Variants in IDH2 observed in about 807,000 individuals in gnomAD.
IDH2 encodes isocitrate dehydrogenase (NADP(+)) 2, also known as isocitrate dehydrogenase [NADP], mitochondrial.
Under a neutral mutation model 50.5 loss-of-function variants are expected in IDH2, and 18 were observed. That is an observed-to-expected ratio of 0.36 (90% CI 0.25 to 0.53). The LOEUF (loss-of-function observed/expected upper bound fraction) is 0.53, where lower values mean the gene tolerates loss of function less well. Among genes scored for constraint, IDH2 ranks in the 20% least tolerant of loss-of-function variants. IDH2 has a pLI of 0.92. For missense variants in IDH2, 518 were observed against 610.7 expected (o/e 0.85, Z 1.60); for synonymous variants, 280 against 239.8 (o/e 1.17, Z -1.55).
intron 1 of IDH2, among the ~76,000 whole-genome samples, chr15:90,092,816 G>C (rs938446301): frequency 2.6e-5 from 4 of 152,156 alleles, no homozygotes; most frequent in African/African-American, 9.7e-5. Flanking sequence ...GACCTCAAGT[G>C]ATCCACCTGC....
At chr15:90,093,463 C>T (rs1901097745) in intron 1 of IDH2, among the ~76,000 whole-genome samples, 1 of 152,190 alleles carries the variant, frequency 6.6e-6, no homozygotes. Flanking sequence ...CCTCAACTAA[C>T]TTGTGGTGAT....
At chr15:90,093,973 C>T (rs1259728634) in intron 1 of IDH2, among the ~76,000 whole-genome samples, 1 of 152,150 alleles carries the variant, frequency 6.6e-6, no homozygotes, top group Non-Finnish European at 1.5e-5. Flanking sequence ...TAACAGCTTA[C>T]TGCCCAAGGT....
Position 90,084,433 on chromosome 15 carries a change from C to T in IDH2, c.1272-80G>A. 7.6e-7 allele frequency: 1 copy of T among 1,311,798 alleles called. No individual in the cohort carries two copies. Among genetic ancestry groups the T allele is most frequent in the Non-Finnish European group, 1.1e-6 (1 of 926,446 alleles). 81.3% of individuals were successfully genotyped at this position (1,311,798 alleles called of 1,614,324 possible). The stretch of plus-strand genomic sequence containing the variant: ...TCAGCCAGGCCCTTCCAGGGAACAG[C>T]CTGAGCTTGGGCATCAGAACAGCCA... On this transcript the variant is annotated intron_variant, in intron 10 of 10. Transcript: ENST00000330062. The surrounding 1 kb of genome is among the most constrained non-coding windows in gnomAD (Gnocchi z 5.0).
chr15:90,084,110 A>G lies in IDH2; in HGVS notation c.*156T>C. 1.6e-6 allele frequency: 1 copy of G among 644,750 alleles called. No homozygotes were observed. The highest frequency in any genetic ancestry group is 2.8e-6 in the Non-Finnish European group (1 of 359,656). 39.9% of individuals were successfully genotyped at this position (644,750 alleles called of 1,614,324 possible). ...CCTGCCTCACGTCACCATGAGGGGAAACACACATATGCTTTTAAAAACATC... is the reference window on the plus strand; with the variant it reads ...CCTGCCTCACGTCACCATGAGGGGAGACACACATATGCTTTTAAAAACATC... On this transcript the variant is annotated 3_prime_UTR_variant, in exon 11 of 11. Transcript: ENST00000330062. This position sits in a 1 kb window ranked among gnomAD's most constrained non-coding sequence, Gnocchi z 5.0.
At chr15:90,090,670 C>A (rs778323248) in intron 2 of IDH2, 26 bp from the exon 3 acceptor site, 1 of 1,613,538 alleles carries the variant, frequency 6.2e-7, no homozygotes, top group Non-Finnish European at 8.5e-7. Flanking sequence ...CAGAGCAAGG[C>A]GTCACCCCAG....
At chr15:90,089,394 TCA>T (rs746487250) in intron 3 of IDH2, among the ~76,000 whole-genome samples, 50 of 152,288 alleles carry the variant, frequency 3.3e-4, no homozygotes, top group Non-Finnish European at 6.6e-4. Flanking sequence ...GATTCCCACA[TCA>T]CACATGGAGG....
chr15:90,091,662 C>G lies in IDH2; in HGVS notation c.116-18G>C. The G allele has an allele frequency of 6.2e-7, 1 of 1,607,614 alleles. No individual in the cohort carries two copies. The highest frequency in any genetic ancestry group is 8.5e-7 in the Non-Finnish European group (1 of 1,173,964). On this transcript the variant is annotated intron_variant, in intron 1 of 10. Transcript: ENST00000330062. Reference sequence around the variant, plus strand: ...GTCGGCATCTAGAAGCAGGGACACACAGCGCATCATGCCCCTGGGGAGGCT... The same window carrying G: ...GTCGGCATCTAGAAGCAGGGACACAGAGCGCATCATGCCCCTGGGGAGGCT...
At chr15:90,096,881 T>A (rs946463685) in intron 1 of IDH2, among the ~76,000 whole-genome samples, 1 of 151,204 alleles carries the variant, frequency 6.6e-6, no homozygotes, top group African/African-American at 2.4e-5. Flanking sequence ...GCCACTGCAC[T>A]CCAGCATGGG....
At chr15:90,089,522 T>A (rs973218075) in intron 3 of IDH2, among the ~76,000 whole-genome samples, 1 of 152,162 alleles carries the variant, frequency 6.6e-6, no homozygotes, top group Non-Finnish European at 1.5e-5. Context: ...GACCCTCTCC[T>A]GCCTTGTCCA....
chr15:90,090,486 A>G lies in IDH2; in HGVS notation c.366T>C (p.Arg122=), dbSNP rs1901004779. The G allele has an allele frequency of 6.2e-7, 1 of 1,613,244 alleles. No homozygotes were observed. The highest frequency in any genetic ancestry group is 1.3e-5 in the African/African-American group (1 of 74,952). Residue 122 remains arginine, a synonymous_variant, in exon 3 of 11, where the codon CGT becomes CGC. Transcript: ENST00000330062. ...KCATITPDEA[R]VEEFKLKKMW... Reference sequence around the variant, plus strand: ...ACCTCCACACCCTCGCACCTTCCACACGGGCCTCATCAGGGGTGATGGTGG... The same window carrying G: ...ACCTCCACACCCTCGCACCTTCCACGCGGGCCTCATCAGGGGTGATGGTGG...
At chr15:90,090,266 A>G (rs1292581248) in intron 3 of IDH2, among the ~76,000 whole-genome samples, 1 of 152,102 alleles carries the variant, frequency 6.6e-6, no homozygotes, top group African/African-American at 2.4e-5. Context: ...CAGCCTCATC[A>G]AAGGTGACCT....
Position 90,084,736 on chromosome 15 carries a change from C to T in IDH2, c.1271+80G>A. ...AGGCCCCCTTGCAGCTAAGCTGACTCATGAGGGGGACTTTAGGAGGGGTCC... is the reference window on the plus strand; with the variant it reads ...AGGCCCCCTTGCAGCTAAGCTGACTTATGAGGGGGACTTTAGGAGGGGTCC... On this transcript the variant is annotated intron_variant, in intron 10 of 10. Transcript: ENST00000330062. The surrounding 1 kb of genome is among the most constrained non-coding windows in gnomAD (Gnocchi z 5.0). 1.0e-5 allele frequency: 12 copies of T among 1,158,696 alleles called. No homozygotes were observed. Among genetic ancestry groups the T allele is most frequent in the East Asian group, 2.3e-5 (1 of 42,886 alleles). The allele number at this position is 1,158,696 out of a possible 1,614,324, so 71.8% of individuals were successfully genotyped here.
chr15:90,083,957 AG>A lies in IDH2; in HGVS notation c.*308del, dbSNP rs985889811. 6.1e-5 allele frequency: 28 copies of A among 460,262 alleles called. No homozygotes were observed. Among genetic ancestry groups the A allele is most frequent in the Non-Finnish European group, 1.1e-4 (27 of 248,248 alleles). The allele number at this position is 460,262 out of a possible 1,614,324, so 28.5% of individuals were successfully genotyped here. On this transcript the variant is annotated 3_prime_UTR_variant, in exon 11 of 11. Coordinates refer to ENST00000330062, the MANE Select transcript of IDH2 (RefSeq NM_002168.4). ...CAGGGTCCCACTACCTCCTCCCCTC[AG>A]GGACAAACACAGCAGACAATTTTGT...
At chr15:90,096,916 GAAAAA>G (rs1019055715) in intron 1 of IDH2, among the ~76,000 whole-genome samples, 1 of 141,494 alleles carries the variant, frequency 7.1e-6, no homozygotes, top group African/African-American at 2.6e-5. Context: ...ACTCCGTCTC[GAAAAA>G]AAAAAAGAAA....
At position 90,083,607 on chromosome 15, in the gene IDH2, C is replaced by T; in HGVS notation, c.*659G>A. On this transcript the variant is annotated 3_prime_UTR_variant, in exon 11 of 11. Coordinates refer to ENST00000330062, the MANE Select transcript of IDH2 (RefSeq NM_002168.4). ...AAGTGTGAGGCAGGTGTGGGTAGGA[C>T]CTCTTTTTAGTACCTAGAAAAAGGC... 6.4e-6 allele frequency: 1 copy of T among 155,076 alleles called. No homozygotes were observed. The highest frequency in any genetic ancestry group is 1.4e-5 in the Non-Finnish European group (1 of 69,842). The allele number at this position is 155,076 out of a possible 1,614,324, so 9.6% of individuals were successfully genotyped here.
At position 90,098,174 on chromosome 15, in the gene IDH2, A is replaced by G. The variant is rs528634083; in HGVS notation, c.115+4102T>C. ...AATCTTCAGCTGATGCATTGCACAA[A>G]CACTGTCCTCTTGGCGAGAGTGCAG... is the stretch of plus-strand genomic sequence containing the variant. On this transcript the variant is annotated intron_variant, in intron 1 of 10. Coordinates refer to ENST00000330062, the MANE Select transcript of IDH2 (RefSeq NM_002168.4). The surrounding 1 kb of genome is among the most constrained non-coding windows in gnomAD (Gnocchi z 5.1). Among the ~76,000 whole-genome samples, 52 of 152,200 alleles carry G rather than the reference A, an allele frequency of 3.4e-4. No individual in the cohort carries two copies. Among genetic ancestry groups the G allele is most frequent in the Non-Finnish European group, 6.3e-4 (43 of 68,028 alleles).
chr15:90,086,925 A>G (rs1900873838), intron 7 of IDH2, among the ~76,000 whole-genome samples, 187 bp downstream of exon 7: 1 of 152,098 alleles, frequency 6.6e-6, no homozygotes. Context: ...GTCATACACC[A>G]GTCCAAACCT....
intron 1 of IDH2, 95 bp from the exon 2 acceptor site, chr15:90,091,739 G>T: frequency 2.0e-6 from 2 of 1,022,056 alleles, no homozygotes; most frequent in Non-Finnish European, 3.1e-6. Context: ...AGGAGACAGT[G>T]GCAGAAAGCC....
In IDH2 at chr15:90,091,648, G is replaced by A; in HGVS notation, c.116-4C>T. On this transcript the variant is annotated splice_region_variant and splice_polypyrimidine_tract_variant and intron_variant, in intron 1 of 10. Transcript: ENST00000330062. ...ACCTTGATCCTTTTGTCGGCATCTA[G>A]AAGCAGGGACACACAGCGCATCATG... The A allele has an allele frequency of 6.2e-7, 1 of 1,613,636 alleles. No individual in the cohort carries two copies.
Sources: gnomAD v4.1 joint callset for allele counts (sites outside exome capture counted in the v4.1 genomes callset) on GRCh38, gnomAD v4.1.1 for gene constraint, Gnocchi (gnomAD v3.1) non-coding constraint, MANE v1.5 for transcripts, NCBI Gene and HGNC (gene_info 2026-07-23, HGNC 2026-07-21) for gene names.